ASIC2: variants seen among roughly 807,000 people sequenced by gnomAD.
The protein encoded by ASIC2 is acid sensing ion channel subunit 2.
Under a neutral mutation model 57.3 loss-of-function variants are expected in ASIC2, and 25 were observed. The ratio of observed to expected loss-of-function variants is 0.44; its 90% confidence interval spans 0.32 to 0.61. ASIC2 has a LOEUF of 0.61. Among genes scored for constraint, ASIC2 ranks in the 20% least tolerant of loss-of-function variants. The probability of loss-of-function intolerance (pLI) is 0.06; values close to 1 mark genes in which losing one functional copy is unlikely to be tolerated. For missense variants in ASIC2, 641 were observed against 738.1 expected (o/e 0.87, Z 1.52); for synonymous variants, 319 against 307.5 (o/e 1.04, Z -0.39).
At chr17:33,265,986 C>T (rs1183216220) in intron 1 of ASIC2, among the ~76,000 whole-genome samples, 1 of 152,202 alleles carries the variant, frequency 6.6e-6, no homozygotes, top group African/African-American at 2.4e-5. Flanking sequence ...CCTCCTGTCC[C>T]ATGGCCATGG....
intron 1 of ASIC2, among the ~76,000 whole-genome samples, chr17:34,136,368 T>C (rs1225717702): frequency 6.6e-6 from 1 of 152,248 alleles, no homozygotes; most frequent in Non-Finnish European, 1.5e-5. Context: ...GGAGAGATTT[T>C]ACTAAGAGTC....
At chr17:33,787,801 C>G (rs1332961285) in intron 1 of ASIC2, among the ~76,000 whole-genome samples, 8 of 152,112 alleles carry the variant, frequency 5.3e-5, no homozygotes, top group Non-Finnish European at 1.0e-4. Flanking sequence ...CAATTGTAAT[C>G]CTCAGTGTTG....
intron 1 of ASIC2, among the ~76,000 whole-genome samples, chr17:34,040,088 C>T (rs2142044837): frequency 7.3e-6 from 1 of 137,882 alleles, no homozygotes; most frequent in African/African-American, 2.9e-5. Context: ...GCCGCAGATC[C>T]CCGGGCTCGC....
At chr17:33,566,233 T>A (rs780112599) in intron 1 of ASIC2, among the ~76,000 whole-genome samples, 5 of 152,230 alleles carry the variant, frequency 3.3e-5, no homozygotes, top group Admixed American at 2.0e-4. Context: ...TTGAGATAAT[T>A]GCATTTTGTT....
chr17:33,198,893 A>G (rs909627620), intron 1 of ASIC2, among the ~76,000 whole-genome samples: 1 of 152,230 alleles, frequency 6.6e-6, no homozygotes, highest in African/African-American at 2.4e-5. Context: ...TGACCATGTC[A>G]TTAACCGTCC....
chr17:33,690,743 GTTTTTTT>G (rs527881591), intron 1 of ASIC2, among the ~76,000 whole-genome samples: 3 of 81,676 alleles, frequency 3.7e-5, no homozygotes, highest in African/African-American at 1.1e-4. Flanking sequence ...ACTCTTCATT[GTTTTTTT>G]TTTTTTTTTT....
At chr17:34,141,158 A>AT (rs1555601693) in intron 1 of ASIC2, among the ~76,000 whole-genome samples, 2,202 of 68,748 alleles carry the variant, frequency 0.032, 27 homozygotes, top group South Asian at 0.11. Flanking sequence ...GCCTTGAATT[A>AT]TTAAAAAAAA....
At chr17:33,719,917 G>A (rs1909335935) in intron 1 of ASIC2, among the ~76,000 whole-genome samples, 1 of 152,222 alleles carries the variant, frequency 6.6e-6, no homozygotes, top group Non-Finnish European at 1.5e-5. Flanking sequence ...GTGTCACTCT[G>A]TCACCCAGGC....
chr17:33,714,833 G>C (rs1000950017), intron 1 of ASIC2, among the ~76,000 whole-genome samples: 1 of 54,228 alleles, frequency 1.8e-5, no homozygotes, highest in African/African-American at 6.6e-5. Context: ...TTTGATTTTT[G>C]AGACAGGGTC....
At chr17:33,382,925 T>C (rs1217261569) in intron 1 of ASIC2, among the ~76,000 whole-genome samples, 3 of 152,190 alleles carry the variant, frequency 2.0e-5, no homozygotes, top group African/African-American at 4.8e-5. Context: ...CTCTTTCTGG[T>C]CCATGTTTTC....
intron 1 of ASIC2, among the ~76,000 whole-genome samples, chr17:33,718,207 C>T (rs1909280882): frequency 6.6e-6 from 1 of 152,144 alleles, no homozygotes; most frequent in Admixed American, 6.5e-5. Flanking sequence ...AATGTAAATG[C>T]TATGTAAATG....
intron 1 of ASIC2, among the ~76,000 whole-genome samples, chr17:33,268,591 C>T (rs1909569839): frequency 6.6e-6 from 1 of 152,116 alleles, no homozygotes; most frequent in Non-Finnish European, 1.5e-5. Context: ...ACAGGTGTTC[C>T]AGTAGATAAA....
At chr17:33,810,802 A>G (rs959930131) in intron 1 of ASIC2, among the ~76,000 whole-genome samples, 4 of 152,126 alleles carry the variant, frequency 2.6e-5, no homozygotes, top group African/African-American at 9.7e-5. Flanking sequence ...GCACTAAAGG[A>G]TTAGCATGTG....
intron 1 of ASIC2, among the ~76,000 whole-genome samples, chr17:33,579,217 C>A (rs550601130): frequency 1.4e-5 from 2 of 146,940 alleles, no homozygotes; most frequent in East Asian, 2.0e-4. Flanking sequence ...ACCCGGGAGG[C>A]AGAGGTTGCA....
intron 1 of ASIC2, among the ~76,000 whole-genome samples, chr17:34,083,985 C>T (rs530466800): frequency 2.9e-3 from 432 of 148,160 alleles, no homozygotes; most frequent in South Asian, 4.8e-3. Context: ...CTGTTCACTC[C>T]GATGGTAGTT....
At chr17:33,901,540 A>G (rs574732510) in intron 1 of ASIC2, among the ~76,000 whole-genome samples, 1 of 152,206 alleles carries the variant, frequency 6.6e-6, no homozygotes, top group South Asian at 2.1e-4. Flanking sequence ...GCTCAGTACT[A>G]GGGGGTAAAA....
Position 33,056,239 on chromosome 17 carries a change from A to G in ASIC2, c.988-27847T>C, listed in dbSNP as rs144086925. Among the ~76,000 whole-genome samples the G allele has an allele frequency of 2.8e-3, 423 of 152,338 alleles. 1 individual carries two copies. The highest frequency in any genetic ancestry group is 9.6e-3 in the African/African-American group (400 of 41,572). ...ACTCCACTGAGATTTTGCTGTAGCCACAGGTGGACACACCAACACACCCAA... is the reference window on the plus strand; with the variant it reads ...ACTCCACTGAGATTTTGCTGTAGCCGCAGGTGGACACACCAACACACCCAA... On this transcript the variant is annotated intron_variant, in intron 3 of 9. Transcript: ENST00000225823.
At chr17:33,164,576 G>A (rs2881451) in intron 1 of ASIC2, among the ~76,000 whole-genome samples, 14 of 149,776 alleles carry the variant, frequency 9.3e-5, no homozygotes, top group East Asian at 2.0e-4. Flanking sequence ...GCACATGCAC[G>A]CACACACACA....
At chr17:33,746,381 T>TGTAG in intron 1 of ASIC2, among the ~76,000 whole-genome samples, 1 of 149,150 alleles carries the variant, frequency 6.7e-6, no homozygotes, top group South Asian at 2.1e-4. Flanking sequence ...TACATGTATA[T>TGTAG]CTACATATAT....
Sources: allele counts gnomAD v4.1 joint callset (sites outside exome capture counted in the v4.1 genomes callset), GRCh38; gene constraint gnomAD v4.1.1; transcripts MANE v1.5; gene names NCBI Gene and HGNC (gene_info 2026-07-23, HGNC 2026-07-21).